The following RTEL1 variants were observed in gnomAD, a reference collection of about 807,000 sequenced individuals.
The protein encoded by RTEL1 is regulator of telomere elongation helicase 1, also known as regulator of telomere length.
A neutral mutation model predicts 162.2 loss-of-function variants in RTEL1; 86 were observed. That is an observed-to-expected ratio of 0.53 (90% CI 0.45 to 0.63). The LOEUF is 0.63. Ranked by LOEUF, RTEL1 falls within the 30% of genes least tolerant of loss-of-function variation. The pLI is 0.00. For missense variants in RTEL1, 1,941 were observed against 1,750.2 expected (o/e 1.11, Z -1.95); for synonymous variants, 958 against 717.9 (o/e 1.33, Z -5.35).
chr20:63,661,203 G>T lies in RTEL1; in HGVS notation c.103-95G>T, dbSNP rs528622552. On this transcript the variant is annotated intron_variant, in intron 2 of 34. Coordinates refer to ENST00000360203, the MANE Select transcript of RTEL1 (RefSeq NM_001283009.2). The surrounding 1 kb of genome is among the most constrained non-coding windows in gnomAD (Gnocchi z 5.1). ...GCAGTGGCCTCTGCATCTGCAAAGA[G>T]CTGCCCGCTGGCTGCCGAAGCTTGT... The T allele has an allele frequency of 5.9e-6, 7 of 1,178,414 alleles. No individual in the cohort carries two copies. The East Asian group carries it at 1.7e-4, about 29-fold the overall frequency. The allele number at this position is 1,178,414 out of a possible 1,614,324, so 73.0% of individuals were successfully genotyped here. A position where few individuals can be genotyped will look rare whatever the true frequency, so the allele number is the denominator to read the frequency against.
chr20:63,690,618 C>A (rs2090714622), intron 26 of RTEL1, among the ~76,000 whole-genome samples, 177 bp downstream of exon 26: 1 of 152,242 alleles, frequency 6.6e-6, no homozygotes, highest in Admixed American at 6.5e-5. Flanking sequence ...GCAACCCTCC[C>A]CTACAGGCAG....
chr20:63,663,337 G>A (rs540769458), intron 6 of RTEL1, among the ~76,000 whole-genome samples: 59 of 152,316 alleles, frequency 3.9e-4, no homozygotes, highest in Middle Eastern at 3.4e-3. Context: ...ACCCTGCCCC[G>A]TGTGTCTTTT....
In RTEL1 at chr20:63,695,907, T is replaced by C. The variant is rs960256176; in HGVS notation, c.*49T>C. 5 of 1,520,486 alleles carry C rather than the reference T, an allele frequency of 3.3e-6. No homozygotes were observed. Among genetic ancestry groups the C allele is most frequent in the Non-Finnish European group, 4.4e-6 (5 of 1,124,382 alleles). The allele number at this position is 1,520,486 out of a possible 1,614,324, so 94.2% of individuals were successfully genotyped here. On this transcript the variant is annotated 3_prime_UTR_variant, in exon 35 of 35. Coordinates refer to ENST00000360203, the MANE Select transcript of RTEL1 (RefSeq NM_001283009.2). ...ACCCAACGTGGCTTGATCACCTGCCTGTCCAGCTCTGGTGGGCCAAGAACC... is the reference window on the plus strand; with the variant it reads ...ACCCAACGTGGCTTGATCACCTGCCCGTCCAGCTCTGGTGGGCCAAGAACC...
intron 16 of RTEL1, chr20:63,686,867 T>C (rs4809324): frequency 0.092 from 15,279 of 166,520 alleles, 994 homozygotes; most frequent in Admixed American, 0.2. Flanking sequence ...TGGAATCTGT[T>C]TGTTCCATTG....
At position 63,696,216 on chromosome 20, in the gene RTEL1, G is replaced by A; in HGVS notation, c.*358G>A. 1 of 382,876 alleles carries A rather than the reference G, an allele frequency of 2.6e-6. No individual in the cohort carries two copies. The highest frequency in any genetic ancestry group is 4.8e-6 in the Non-Finnish European group (1 of 210,064). The allele number at this position is 382,876 out of a possible 1,614,324, so 23.7% of individuals were successfully genotyped here. A position where few individuals can be genotyped will look rare whatever the true frequency, so the allele number is the denominator to read the frequency against. On this transcript the variant is annotated 3_prime_UTR_variant, in exon 35 of 35. Transcript: ENST00000360203. ...TGTCCACTTTTAATCAGGGGACAGG[G>A]CTCTCTAATAAAGCTGCTGGCAGTG...
intron 8 of RTEL1, among the ~76,000 whole-genome samples, chr20:63,672,173 C>T (rs1051566987): frequency 6.6e-6 from 1 of 152,094 alleles, no homozygotes; most frequent in African/African-American, 2.4e-5. Context: ...TGAGCCACCG[C>T]GCCTGGCTGG....
Position 63,694,755 on chromosome 20 carries a change from C to A in RTEL1, c.3124C>A (p.Gln1042Lys), listed in dbSNP as rs929898540. The A allele has an allele frequency of 6.2e-7, 1 of 1,605,014 alleles. No individual in the cohort carries two copies. Among genetic ancestry groups the A allele is most frequent in the Non-Finnish European group, 8.5e-7 (1 of 1,175,564 alleles). Residue 1042 changes from glutamine to lysine, a missense_variant, in exon 32 of 35, where the codon CAA becomes AAA. By Grantham distance (53) the Gln-to-Lys change is moderately conservative (BLOSUM62 1). Transcript: ENST00000360203. The part of the protein sequence containing the change: ...RPPPTGDPGS[Q>K]PQWGSGVPRA... Reference sequence around the variant, plus strand: ...TCCCACACCAGGAGACCCTGGCAGCCAACCACAGTGGGGGTCTGGAGTGCC... The same window carrying A: ...TCCCACACCAGGAGACCCTGGCAGCAAACCACAGTGGGGGTCTGGAGTGCC...
chr20:63,666,832 CTCTT>C (rs1218777256), intron 7 of RTEL1, among the ~76,000 whole-genome samples: 3 of 138,930 alleles, frequency 2.2e-5, no homozygotes, highest in African/African-American at 8.1e-5. Context: ...GCCTGGCCAG[CTCTT>C]TTTTTTTTTT....
intron 28 of RTEL1, chr20:63,692,572 G>A: frequency 1.7e-6 from 1 of 582,444 alleles, no homozygotes; most frequent in Non-Finnish European, 3.1e-6. Context: ...CCCATTCACT[G>A]CTCTCAGTTC....
At chr20:63,679,519 T>G (rs6010621) in intron 12 of RTEL1, among the ~76,000 whole-genome samples, 121,788 of 151,984 alleles carry the variant, frequency 0.8, 50,007 homozygotes, top group African/African-American at 0.94. Context: ...TGAGGCGGCT[T>G]CTTTTCCTCG....
At chr20:63,680,611 G>A in intron 13 of RTEL1, 53 bp from the exon 14 acceptor site, 2 of 1,596,092 alleles carry the variant, frequency 1.3e-6, no homozygotes, top group South Asian at 1.1e-5. Flanking sequence ...CGGGGCTGGG[G>A]TCGGGGCCTC....
rs749421483 is a variant in RTEL1, at chr20:63,666,102, C to T, written c.614+23C>T. ...CAGGTGAGACCCCTCAGTGAGGCCA[C>T]GACCACTGTCCTTCCATGGCCCAGC... On this transcript the variant is annotated intron_variant, in intron 7 of 34. Coordinates refer to ENST00000360203, the MANE Select transcript of RTEL1 (RefSeq NM_001283009.2). The T allele has an allele frequency of 3.4e-5, 54 of 1,594,154 alleles. No individual in the cohort carries two copies. In the East Asian group the frequency reaches 5.1e-4, roughly 15 times the overall value.
intron 26 of RTEL1, 67 bp downstream of exon 26, chr20:63,690,508 AC>A: frequency 7.1e-7 from 1 of 1,408,806 alleles, no homozygotes. Flanking sequence ...GGCGGGCAGC[AC>A]CAGGCGCCCA....
chr20:63,666,991 C>T (rs963890768), intron 7 of RTEL1, among the ~76,000 whole-genome samples: 5 of 152,164 alleles, frequency 3.3e-5, no homozygotes, highest in Non-Finnish European at 7.4e-5. Context: ...AGGTGCCCGC[C>T]ACCACGTCTG....
At chr20:63,695,253 G>A (rs751504264) in intron 33 of RTEL1, 32 bp downstream of exon 33, 5 of 1,607,848 alleles carry the variant, frequency 3.1e-6, no homozygotes, top group Admixed American at 1.7e-5. Context: ...TCCTGGCAGC[G>A]CCCCAACCGC....
chr20:63,695,583 TG>T lies in RTEL1; in HGVS notation c.3757del (p.Val1253CysfsTer111). On this transcript the variant is annotated frameshift_variant, in exon 34 of 35. Coordinates refer to ENST00000360203, the MANE Select transcript of RTEL1 (RefSeq NM_001283009.2). LOFTEE classifies it high-confidence loss of function. ...CVCQGCGAED[V>X]VPFQCPACDF... ...TGCCAGGGCTGTGGGGCAGAGGACGTGGTGCCCTTCCAGTGCCCTGCCTGTG... is the reference window on the plus strand; with the variant it reads ...TGCCAGGGCTGTGGGGCAGAGGACGTGTGCCCTTCCAGTGCCCTGCCTGTG... The T allele has an allele frequency of 6.2e-7, 1 of 1,612,172 alleles. No individual in the cohort carries two copies. The highest frequency in any genetic ancestry group is 8.5e-7 in the Non-Finnish European group (1 of 1,179,880).
intron 10 of RTEL1, 31 bp from the exon 11 acceptor site, chr20:63,678,114 A>G (rs534747169): frequency 2.3e-5 from 37 of 1,614,056 alleles, no homozygotes; most frequent in African/African-American, 2.3e-4. Flanking sequence ...AGCGTGATGC[A>G]GACTGCCTTT....
intron 26 of RTEL1, 36 bp downstream of exon 26, chr20:63,690,477 G>GGGGGGGT: frequency 6.6e-7 from 1 of 1,509,724 alleles, no homozygotes; most frequent in Non-Finnish European, 8.9e-7. Flanking sequence ...CGGTGTGGGG[G>GGGGGGGT]TGGCGGAGCG....
At chr20:63,684,863 T>A (rs1399844538) in intron 14 of RTEL1, among the ~76,000 whole-genome samples, 1 of 151,994 alleles carries the variant, frequency 6.6e-6, no homozygotes, top group Non-Finnish European at 1.5e-5. Flanking sequence ...TACTGTGATT[T>A]TGACTAGAAT....
Sources: allele counts gnomAD v4.1 joint callset (sites outside exome capture counted in the v4.1 genomes callset), GRCh38; gene constraint gnomAD v4.1.1; non-coding constraint Gnocchi (gnomAD v3.1); transcripts MANE v1.5; gene names NCBI Gene and HGNC (gene_info 2026-07-23, HGNC 2026-07-21).